TLE1: variants seen among roughly 807,000 people sequenced by gnomAD.
The protein encoded by TLE1 is transducin-like enhancer protein 1.
TLE1 carries 21 observed loss-of-function variants against 89.8 expected under a neutral mutation model. The ratio of observed to expected loss-of-function variants is 0.23; its 90% CI spans 0.17 to 0.34. The LOEUF (loss-of-function observed/expected upper bound fraction) is 0.34. TLE1 is among the 10% of genes least tolerant of loss of function. The pLI is 1.00. For missense variants in TLE1, 795 were observed against 1,031.2 expected (o/e 0.77, Z 3.14); for synonymous variants, 447 against 407.6 (o/e 1.10, Z -1.16).
chr9:81,680,557 G>A (rs1361173536), intron 4 of TLE1, among the ~76,000 whole-genome samples: 1 of 152,158 alleles, frequency 6.6e-6, no homozygotes, highest in Non-Finnish European at 1.5e-5. Context: ...CCTTACTCCA[G>A]TGCAAGTCCA....
At chr9:81,674,103 A>G (rs1311211271) in intron 4 of TLE1, among the ~76,000 whole-genome samples, 1 of 152,220 alleles carries the variant, frequency 6.6e-6, no homozygotes, top group African/African-American at 2.4e-5. Flanking sequence ...CTCCCCAGCC[A>G]TCAACTAGAT....
intron 14 of TLE1, among the ~76,000 whole-genome samples, chr9:81,608,922 T>C (rs1330998434): frequency 6.9e-6 from 1 of 144,602 alleles, no homozygotes; most frequent in East Asian, 2.0e-4. Flanking sequence ...CGGCAACGAG[T>C]GAAACTCCGT....
chr9:81,670,467 A>G (rs943842320), intron 4 of TLE1, among the ~76,000 whole-genome samples: 7 of 152,126 alleles, frequency 4.6e-5, no homozygotes, highest in South Asian at 4.1e-4. Flanking sequence ...CTGGGACTAC[A>G]GGCGTGCGCC....
At chr9:81,686,055 G>A (rs1489814819) in intron 2 of TLE1, among the ~76,000 whole-genome samples, 159 bp from the exon 3 acceptor site, 6 of 152,132 alleles carry the variant, frequency 3.9e-5, no homozygotes, top group African/African-American at 1.2e-4. Flanking sequence ...ATTTAATAGG[G>A]AAAAGGAATA....
Position 81,623,616 on chromosome 9 carries a change from TTAA to T in TLE1, c.595-3062_595-3060del, listed in dbSNP as rs750654166. On this transcript the variant is annotated intron_variant, in intron 8 of 19. Transcript: ENST00000376499. Reference sequence around the variant, plus strand: ...CAACATGGTGAAACCCCATCTGTACTTAAAAAAAAAAAAAAAAAAAAAAAAATT... The same window carrying T: ...CAACATGGTGAAACCCCATCTGTACTAAAAAAAAAAAAAAAAAAAAAAATT... Among the ~76,000 whole-genome samples, 94 of 84,358 alleles carry T rather than the reference TTAA, an allele frequency of 1.1e-3. 2 individuals are homozygous for T. The highest frequency in any genetic ancestry group is 1.0e-3 in the Non-Finnish European group (49 of 48,806). 55.3% of individuals were successfully genotyped at this position (84,358 alleles called of 152,430 possible). A position where few individuals can be genotyped will look rare whatever the true frequency, so the allele number is the denominator to read the frequency against.
rs769415366 is a variant in TLE1, at chr9:81,584,506, G to C, written c.2147C>G (p.Thr716Ser). The C allele has an allele frequency of 9.3e-6, 15 of 1,614,022 alleles. No homozygotes were observed. Among genetic ancestry groups the C allele is most frequent in the Non-Finnish European group, 1.1e-5 (13 of 1,180,040 alleles). ...AGCATTGAGGAGGTTATCTTTTCCA[G>C]TACTCACAAACCATTTACCTAGAAT... ...FAYCGKWFVS[T>S]GKDNLLNAWR... The change falls in exon 19 of 20, where the codon ACT becomes AGT. Residue 716 changes from threonine (T) to serine (S), a missense_variant. Around this residue, in one of 4 missense-constraint regions of TLE1, gnomAD observed 214 missense variants for 354.9 expected, o/e 0.60. Transcript: ENST00000376499.
At chr9:81,668,955 AG>A (rs1490347509) in intron 4 of TLE1, among the ~76,000 whole-genome samples, 1 of 152,200 alleles carries the variant, frequency 6.6e-6, no homozygotes, top group Non-Finnish European at 1.5e-5. Context: ...AAAACATCCT[AG>A]ATAGTCTTCC....
At chr9:81,663,396 T>A (rs2132806296) in intron 4 of TLE1, among the ~76,000 whole-genome samples, 1 of 152,112 alleles carries the variant, frequency 6.6e-6, no homozygotes, top group East Asian at 1.9e-4. Context: ...AAAGCAGAAG[T>A]TGAGAATTGG....
chr9:81,612,271 G>GC, intron 12 of TLE1: 1 of 1,101,902 alleles, frequency 9.1e-7, no homozygotes, highest in Non-Finnish European at 1.1e-6. Context: ...GCAAACCAAG[G>GC]CACAGGCACC....
At chr9:81,625,887 C>G (rs1323927303) in intron 8 of TLE1, among the ~76,000 whole-genome samples, 2 of 111,804 alleles carry the variant, frequency 1.8e-5, no homozygotes, top group African/African-American at 8.0e-5. Context: ...CTAACATGTT[C>G]TGGAAAGTAA....
Position 81,625,911 on chromosome 9 carries a change from T to TAAAAAAAAAAAAAAAAAAAAAA in TLE1, c.595-5376_595-5355dup, listed in dbSNP as rs35467275. ...TCTGGAAAGTAACCTCAGAAACTAC[T>TAAAAAAAAAAAAAAAAAAAAAA]AAAAAAAAAAAAAAAAAAAAAAGCA... On this transcript the variant is annotated intron_variant, in intron 8 of 19. Coordinates refer to ENST00000376499, the MANE Select transcript of TLE1 (RefSeq NM_005077.5). Among the ~76,000 whole-genome samples the TAAAAAAAAAAAAAAAAAAAAAA allele has an allele frequency of 8.0e-5, 7 of 87,832 alleles. 1 individual carries two copies. Among genetic ancestry groups the TAAAAAAAAAAAAAAAAAAAAAA allele is most frequent in the African/African-American group, 2.7e-4 (5 of 18,656 alleles). The allele number at this position is 87,832 out of a possible 152,430, so 57.6% of individuals were successfully genotyped here. A position where few individuals can be genotyped will look rare whatever the true frequency, so the allele number is the denominator to read the frequency against.
chr9:81,642,328 G>A (rs1477990825), intron 6 of TLE1, among the ~76,000 whole-genome samples: 1 of 152,090 alleles, frequency 6.6e-6, no homozygotes, highest in Admixed American at 6.6e-5. Context: ...TACTGGCTGA[G>A]AATTAGGGCT....
chr9:81,589,431 T>A (rs2131797398), intron 16 of TLE1, among the ~76,000 whole-genome samples: 1 of 152,294 alleles, frequency 6.6e-6, no homozygotes, highest in South Asian at 2.1e-4. Flanking sequence ...ATGGCCCTAT[T>A]ACATGCAGCA....
At position 81,687,453 on chromosome 9, in the gene TLE1, G is replaced by A. The variant is rs1834441314; in HGVS notation, c.25-19C>T. 6.3e-7 allele frequency: 1 copy of A among 1,589,674 alleles called. No individual in the cohort carries two copies. Among genetic ancestry groups the A allele is most frequent in the Non-Finnish European group, 8.6e-7 (1 of 1,164,052 alleles). On this transcript the variant is annotated intron_variant, in intron 1 of 19. Coordinates refer to ENST00000376499, the MANE Select transcript of TLE1 (RefSeq NM_005077.5). ...GCGGCGTCTGGGGGCGACCAGCGAG[G>A]GGGACCGAGGGACGGGAATGCGGGC...
chr9:81,621,434 G>A (rs1825244124), intron 8 of TLE1, among the ~76,000 whole-genome samples: 1 of 152,170 alleles, frequency 6.6e-6, no homozygotes, highest in South Asian at 2.1e-4. Context: ...GTTCAGTGAT[G>A]TGTTACTGCC....
At chr9:81,612,036 T>C (rs1823782518) in intron 12 of TLE1, 77 bp from the exon 13 acceptor site, 2 of 1,156,482 alleles carry the variant, frequency 1.7e-6, no homozygotes, top group Non-Finnish European at 2.3e-6. Context: ...GGCCTCATCA[T>C]TTGTTAGTGT....
At chr9:81,638,486 C>T (rs1827689115) in intron 6 of TLE1, among the ~76,000 whole-genome samples, 1 of 152,164 alleles carries the variant, frequency 6.6e-6, no homozygotes, top group Admixed American at 6.5e-5. Flanking sequence ...CTCAACAAGG[C>T]TTACCTGAGA....
intron 8 of TLE1, among the ~76,000 whole-genome samples, chr9:81,627,618 A>T (rs915504382): frequency 6.6e-6 from 1 of 152,070 alleles, no homozygotes; most frequent in Admixed American, 6.5e-5. Flanking sequence ...GCTTAAGAAA[A>T]CCTAAGTGTT....
intron 8 of TLE1, among the ~76,000 whole-genome samples, chr9:81,624,685 T>A (rs985520552): frequency 2.6e-5 from 4 of 152,178 alleles, no homozygotes; most frequent in Admixed American, 1.3e-4. Flanking sequence ...CTGCCAGGAT[T>A]TTTTTAAAGA....
Sources: gnomAD v4.1 joint callset for allele counts (sites outside exome capture counted in the v4.1 genomes callset) on GRCh38, gnomAD v4.1.1 for gene constraint, gnomAD v4.1.1 regional missense constraint, MANE v1.5 for transcripts, NCBI Gene and HGNC (gene_info 2026-07-23, HGNC 2026-07-21) for gene names.